Variants in LACTB2 observed in about 807,000 individuals in gnomAD.
LACTB2 encodes the protein endoribonuclease LACTB2.
In LACTB2, 32 loss-of-function variants were observed where a neutral mutation model predicts 34.8. The ratio of observed to expected loss-of-function variants is 0.92; its 90% CI spans 0.69 to 1.24. LACTB2 has a LOEUF of 1.24. Among genes scored for constraint, LACTB2 ranks in the 50% most tolerant of loss-of-function variants. The probability of loss-of-function intolerance (pLI) is 0.00; values close to 1 mark genes in which losing one functional copy is unlikely to be tolerated. For missense variants in LACTB2, 320 were observed against 345.0 expected (o/e 0.93, Z 0.57); for synonymous variants, 120 against 117.5 (o/e 1.02, Z -0.14).
rs990900411 is a variant in LACTB2 at position 70,668,748 on chromosome 8, G to GTTTTTTTTTTTTT, written c.122+238_122+250dup. ...CAGTAAATCGGGTTTCAAAACAGAA[G>GTTTTTTTTTTTTT]TTTTTTTTTTTTTTTTTTTTTTTTT... On this transcript the variant is annotated intron_variant, in intron 1 of 6. Transcript: ENST00000276590. Among the ~76,000 whole-genome samples, 16 of 103,708 alleles carry GTTTTTTTTTTTTT rather than the reference G, an allele frequency of 1.5e-4. 1 individual carries two copies. The highest frequency in any genetic ancestry group is 4.2e-4 in the African/African-American group (10 of 23,902). The allele number at this position is 103,708 out of a possible 152,430, so 68.0% of individuals were successfully genotyped here. A position where few individuals can be genotyped will look rare whatever the true frequency, so the allele number is the denominator to read the frequency against.
chr8:70,653,924 A>G (rs1439971350), intron 3 of LACTB2: 2 of 152,198 alleles, frequency 1.3e-5, no homozygotes, highest in Non-Finnish European at 2.9e-5. Context: ...GCCACTGGCT[A>G]ACTGGGAACC....
chr8:70,650,662 G>A (rs1478611114), intron 3 of LACTB2, among the ~76,000 whole-genome samples: 2 of 149,686 alleles, frequency 1.3e-5, no homozygotes, highest in Admixed American at 6.7e-5. Context: ...CCCAGGAGGC[G>A]GAGGTTGCAG....
At position 70,637,688 on chromosome 8, in the gene LACTB2, G is replaced by A. The variant is rs996069965; in HGVS notation, c.*172C>T. 5.2e-6 allele frequency: 2 copies of A among 385,448 alleles called. No individual in the cohort carries two copies. The highest frequency in any genetic ancestry group is 2.1e-5 in the African/African-American group (1 of 47,888). 23.9% of individuals were successfully genotyped at this position (385,448 alleles called of 1,614,324 possible). A position where few individuals can be genotyped will look rare whatever the true frequency, so the allele number is the denominator to read the frequency against. Reference sequence around the variant, plus strand: ...AGGTTAGAGAAATAACCTATCATATGGTTGTATAGTGTAATTTACATATTT... The same window carrying A: ...AGGTTAGAGAAATAACCTATCATATAGTTGTATAGTGTAATTTACATATTT... On this transcript the variant is annotated 3_prime_UTR_variant, in exon 7 of 7. Transcript: ENST00000276590.
At chr8:70,647,102 A>C (rs1002762257) in intron 3 of LACTB2, among the ~76,000 whole-genome samples, 4 of 152,196 alleles carry the variant, frequency 2.6e-5, no homozygotes, top group Non-Finnish European at 5.9e-5. Flanking sequence ...TACATTTTAC[A>C]TAAATAAATC....
chr8:70,642,337 TC>T (rs1818208778), intron 4 of LACTB2, among the ~76,000 whole-genome samples: 1 of 152,128 alleles, frequency 6.6e-6, no homozygotes, highest in African/African-American at 2.4e-5. Flanking sequence ...TGTTTTCTAT[TC>T]CCCCAGCAGT....
chr8:70,661,348 T>C (rs1317614831), intron 2 of LACTB2: 1 of 285,374 alleles, frequency 3.5e-6, no homozygotes, highest in Non-Finnish European at 6.8e-6. Context: ...CAGCATATCT[T>C]AGTAACTGCC....
chr8:70,658,200 T>C (rs1021508675), intron 2 of LACTB2, among the ~76,000 whole-genome samples: 2 of 152,188 alleles, frequency 1.3e-5, no homozygotes, highest in South Asian at 2.1e-4. Flanking sequence ...GAGGCACTAA[T>C]ACAGAACCTG....
At chr8:70,639,891 G>T (rs1343216069) in intron 5 of LACTB2, among the ~76,000 whole-genome samples, 2 of 152,138 alleles carry the variant, frequency 1.3e-5, no homozygotes, top group Non-Finnish European at 2.9e-5. Context: ...GAACCCAGGA[G>T]GCAGAGGTTG....
intron 2 of LACTB2, 117 bp from the exon 3 acceptor site, chr8:70,657,999 G>A (rs7830515): frequency 0.36 from 219,033 of 602,728 alleles, 44,426 homozygotes; most frequent in Non-Finnish European, 0.43. Flanking sequence ...AACATTAAGA[G>A]ACAACAGAAA....
Position 70,640,981 on chromosome 8 carries a change from T to C in LACTB2, c.662A>G (p.Glu221Gly). ...QQYISHRNIR[E>G]QQILTLFREN... ...ACGAAATAATGTAAGAATTTGCTGC[T>C]CTCGAATATTTCTGTGAGAAATGTA... The change falls in exon 5 of 7, where the codon GAG becomes GGG. Residue 221 changes from glutamate (E) to glycine (G), a missense_variant. Coordinates refer to ENST00000276590, the MANE Select transcript of LACTB2 (RefSeq NM_016027.3). 1.2e-6 allele frequency: 2 copies of C among 1,610,198 alleles called. No individual in the cohort carries two copies. The highest frequency in any genetic ancestry group is 2.2e-5 in the South Asian group (2 of 90,004).
chr8:70,641,951 G>C (rs987589899), intron 4 of LACTB2, among the ~76,000 whole-genome samples: 1 of 152,164 alleles, frequency 6.6e-6, no homozygotes, highest in Non-Finnish European at 1.5e-5. Context: ...TTCTTCTGCT[G>C]TGTGGTGAGG....
At chr8:70,643,358 G>T (rs1380740168) in intron 4 of LACTB2, among the ~76,000 whole-genome samples, 1 of 151,766 alleles carries the variant, frequency 6.6e-6, no homozygotes, top group Non-Finnish European at 1.5e-5. Flanking sequence ...GCGTAGCTGG[G>T]ATTATAGGTA....
At chr8:70,640,878 A>G in intron 5 of LACTB2, 24 bp downstream of exon 5, 1 of 1,551,072 alleles carries the variant, frequency 6.4e-7, no homozygotes, top group Non-Finnish European at 8.7e-7. Context: ...GTGGCTACAT[A>G]CAAATAAGAA....
intron 1 of LACTB2, among the ~76,000 whole-genome samples, chr8:70,666,147 T>C (rs1285546924): frequency 6.6e-6 from 1 of 152,194 alleles, no homozygotes. Flanking sequence ...TGTTTACTGT[T>C]CTACCTGAAC....
intron 1 of LACTB2, chr8:70,662,781 G>A (rs1240703567): frequency 2.0e-5 from 3 of 151,962 alleles, no homozygotes; most frequent in Non-Finnish European, 4.4e-5. Flanking sequence ...TTGACCTCCT[G>A]GGCACAAGCG....
intron 3 of LACTB2, among the ~76,000 whole-genome samples, chr8:70,653,245 G>C (rs888309762): frequency 2.0e-5 from 3 of 152,040 alleles, no homozygotes; most frequent in African/African-American, 7.3e-5. Context: ...CAAGTAGCTG[G>C]GACCATAGGC....
At chr8:70,647,676 T>A (rs1342339098) in intron 3 of LACTB2, among the ~76,000 whole-genome samples, 1 of 152,200 alleles carries the variant, frequency 6.6e-6, no homozygotes, top group East Asian at 1.9e-4. Context: ...GAAGCCTAAA[T>A]AAGCAGCAGG....
intron 2 of LACTB2, chr8:70,660,507 A>G (rs563406057): frequency 2.4e-6 from 1 of 411,146 alleles, no homozygotes; most frequent in Non-Finnish European, 4.9e-6. Context: ...CAAGGCCTAA[A>G]AAAGCAGATC....
At chr8:70,657,211 G>T (rs1434552644) in intron 3 of LACTB2, among the ~76,000 whole-genome samples, 1 of 152,084 alleles carries the variant, frequency 6.6e-6, no homozygotes, top group African/African-American at 2.4e-5. Context: ...GCCTCCTTGG[G>T]AGACAACACT....
Sources: gnomAD v4.1 joint callset for allele counts (sites outside exome capture counted in the v4.1 genomes callset) on GRCh38, gnomAD v4.1.1 for gene constraint, MANE v1.5 for transcripts, NCBI Gene and HGNC (gene_info 2026-07-23, HGNC 2026-07-21) for gene names.